COL10A1: variants seen among roughly 807,000 people sequenced by gnomAD.
COL10A1 encodes the protein collagen alpha-1(X) chain.
Under a neutral mutation model 18.2 loss-of-function variants are expected in COL10A1, and 10 were observed. The observed-to-expected ratio is 0.55, with a 90% CI of 0.34 to 0.93. The LOEUF (loss-of-function observed/expected upper bound fraction) is 0.93, where lower values mean the gene tolerates loss of function less well. Ranked by LOEUF, COL10A1 falls within the 40% of genes least tolerant of loss-of-function variation. COL10A1 has a pLI of 0.02. For missense variants in COL10A1, 897 were observed against 853.5 expected (o/e 1.05, Z -0.64); for synonymous variants, 330 against 316.6 (o/e 1.04, Z -0.45).
At position 116,135,730 on chromosome 6, in the gene COL10A1, A is replaced by G. The variant is rs13196094; in HGVS notation, c.-15-10223T>C. Among the ~76,000 whole-genome samples the G allele has an allele frequency of 7.1e-3, 1,066 of 150,874 alleles. 7 individuals carry two copies. The highest frequency in any genetic ancestry group is 0.012 in the Admixed American group (185 of 15,106). On this transcript the variant is annotated intron_variant, in intron 1 of 1. Coordinates refer to the COL10A1 transcript ENST00000418500. ...TGGATCAACATACCCATCCCTGGTC[A>G]TAGTTTCACAAATACTCAGCTTAAA...
intron 1 of COL10A1, among the ~76,000 whole-genome samples, chr6:116,144,913 C>T (rs762741935): frequency 7.2e-5 from 11 of 152,070 alleles, no homozygotes; most frequent in Non-Finnish European, 1.5e-4. Flanking sequence ...AGGCTGATGG[C>T]GTTGAAAGTT....
At chr6:116,131,401 A>G (rs1006534988) in intron 1 of COL10A1, among the ~76,000 whole-genome samples, 1 of 152,202 alleles carries the variant, frequency 6.6e-6, no homozygotes, top group Admixed American at 6.5e-5. Flanking sequence ...AAAATGTATT[A>G]TTCATTTATA....
At chr6:116,215,620 A>G in the COL10A1 span, among the ~76,000 whole-genome samples, 4 of 152,158 alleles carry the variant, frequency 2.6e-5, no homozygotes, top group South Asian at 2.1e-4. Context: ...CAGACCTTCA[A>G]AAACCTCTCT....
chr6:116,191,065 AG>A, the COL10A1 span, among the ~76,000 whole-genome samples: 4 of 152,048 alleles, frequency 2.6e-5, no homozygotes, highest in Admixed American at 2.6e-4. Context: ...TTAGAACTAC[AG>A]CCAACACCCG....
the COL10A1 span, among the ~76,000 whole-genome samples, chr6:116,204,470 C>T: frequency 6.6e-6 from 1 of 151,908 alleles, no homozygotes; most frequent in Non-Finnish European, 1.5e-5. Context: ...GACAGTATGA[C>T]CTGATGAGAG....
At chr6:116,129,599 G>A (rs1349363392), upstream of COL10A1, among the ~76,000 whole-genome samples, 1 of 152,142 alleles carries the variant, frequency 6.6e-6, no homozygotes, top group Non-Finnish European at 1.5e-5. Flanking sequence ...CGATACTACA[G>A]CATGAACGCT....
the COL10A1 span, among the ~76,000 whole-genome samples, chr6:116,201,253 T>G: frequency 1.3e-5 from 2 of 152,220 alleles, no homozygotes; most frequent in South Asian, 4.1e-4. Flanking sequence ...ATGATACTCT[T>G]GCCTTTTTGG....
the COL10A1 span, among the ~76,000 whole-genome samples, chr6:116,216,436 A>G: frequency 6.6e-6 from 1 of 151,886 alleles, no homozygotes; most frequent in Non-Finnish European, 1.5e-5. Flanking sequence ...CAAAACAATT[A>G]AATCAGAATT....
At chr6:116,145,495 AAG>A (rs1159518802) in intron 1 of COL10A1, 1 of 368,408 alleles carries the variant, frequency 2.7e-6, no homozygotes, top group South Asian at 2.2e-5. Context: ...ATACTTATTT[AAG>A]AGATTAAAGT....
the COL10A1 span, among the ~76,000 whole-genome samples, chr6:116,169,518 A>G: frequency 6.6e-6 from 1 of 152,240 alleles, no homozygotes; most frequent in Admixed American, 6.5e-5. Flanking sequence ...GTAGGAAAAT[A>G]TATATCTTAA....
chr6:116,120,685 TGGGCCAG>T lies in COL10A1; in HGVS notation c.1424_1430del (p.Pro475GlnfsTer4). ...TGAGGCCCTTAGTTGCTATGCCAGC[TGGGCCAG>T]GAGGACCGGGACTTCCTGGATCCCC... On this transcript the variant is annotated frameshift_variant, in exon 3 of 3. Coordinates refer to ENST00000651968, the MANE Select transcript of COL10A1 (RefSeq NM_000493.4). LOFTEE classifies it low-confidence loss of function (END_TRUNC). 15 of 1,547,814 alleles carry T rather than the reference TGGGCCAG, an allele frequency of 9.7e-6. No homozygotes were observed. The highest frequency in any genetic ancestry group is 1.2e-5 in the Non-Finnish European group (14 of 1,154,446).
the COL10A1 span, among the ~76,000 whole-genome samples, chr6:116,209,064 T>G: frequency 1.3e-5 from 2 of 152,068 alleles, no homozygotes; most frequent in Non-Finnish European, 2.9e-5. Context: ...CTTAAATTGA[T>G]GATTTTATTA....
chr6:116,191,825 A>T, the COL10A1 span, among the ~76,000 whole-genome samples: 1 of 151,956 alleles, frequency 6.6e-6, no homozygotes, highest in Admixed American at 6.6e-5. Context: ...TATTCCCCAA[A>T]CCTTAAGGCT....
rs573167291 is a variant in COL10A1, at chr6:116,118,980, G to A, written c.*1093C>T. 10 of 152,602 alleles carry A rather than the reference G, an allele frequency of 6.6e-5. No individual in the cohort carries two copies. The highest frequency in any genetic ancestry group is 2.4e-4 in the African/African-American group (10 of 41,564). The allele number at this position is 152,602 out of a possible 1,614,324, so 9.5% of individuals were successfully genotyped here. ...AACAATGAAAAGCCTTGAAAGAATG[G>A]TTGAGAACAGCAAATTGCTGCTTTC... On this transcript the variant is annotated 3_prime_UTR_variant, in exon 3 of 3. Coordinates refer to ENST00000651968, the MANE Select transcript of COL10A1 (RefSeq NM_000493.4).
chr6:116,121,157 C>A lies in COL10A1; in HGVS notation c.959G>T (p.Gly320Val), dbSNP rs567114027. 1.2e-6 allele frequency: 2 copies of A among 1,613,190 alleles called. No homozygotes were observed. The highest frequency in any genetic ancestry group is 1.7e-5 in the Admixed American group (1 of 59,936). ...TGCTGGCCCTTGTTCCCCTTTGGCA[C>A]CTGGACCCCCAGGAAGGCCAGCAGG... is the stretch of plus-strand genomic sequence containing the variant. ...RGPAGLPGGP[G>V]AKGEQGPAGL... is the part of the protein sequence containing the mutation. Residue 320 changes from glycine (G) to valine (V), a missense_variant, in exon 3 of 3, where the codon GGT becomes GTT. Coordinates refer to ENST00000651968, the MANE Select transcript of COL10A1 (RefSeq NM_000493.4).
chr6:116,178,107 G>T, the COL10A1 span, among the ~76,000 whole-genome samples: 1 of 92,946 alleles, frequency 1.1e-5, no homozygotes, highest in East Asian at 2.2e-4. Flanking sequence ...GCGCGCGTGC[G>T]TGCGTGTGTG....
chr6:116,162,830 A>T (rs1328567046), upstream of COL10A1, among the ~76,000 whole-genome samples: 2 of 152,138 alleles, frequency 1.3e-5, no homozygotes, highest in African/African-American at 4.8e-5. Flanking sequence ...AATTTAAAAA[A>T]TATGTATTTT....
the COL10A1 span, among the ~76,000 whole-genome samples, chr6:116,203,302 C>G: frequency 6.6e-6 from 1 of 151,876 alleles, no homozygotes; most frequent in Non-Finnish European, 1.5e-5. Context: ...TATTACTTTA[C>G]TATACATTGT....
At chr6:116,187,804 A>C in the COL10A1 span, among the ~76,000 whole-genome samples, 2 of 152,128 alleles carry the variant, frequency 1.3e-5, no homozygotes, top group African/African-American at 4.8e-5. Flanking sequence ...AAGATAATGA[A>C]ATATTTCTTA....
Sources: allele counts gnomAD v4.1 joint callset (sites outside exome capture counted in the v4.1 genomes callset), GRCh38; gene constraint gnomAD v4.1.1; transcripts MANE v1.5; gene names NCBI Gene and HGNC (gene_info 2026-07-23, HGNC 2026-07-21).